Variants in PODN observed in about 807,000 individuals in gnomAD.
The protein encoded by PODN is podocan.
Under a neutral mutation model 52.7 loss-of-function variants are expected in PODN, and 40 were observed. That is an observed-to-expected ratio of 0.76 (90% confidence interval 0.59 to 0.99). The LOEUF (loss-of-function observed/expected upper bound fraction) is 0.99. Among genes scored for constraint, PODN ranks in the 50% least tolerant of loss-of-function variants. The probability of loss-of-function intolerance (pLI) is 0.00; values close to 1 mark genes in which losing one functional copy is unlikely to be tolerated. For synonymous variants in PODN, 396 were observed against 377.9 expected, an observed-to-expected ratio of 1.05 and a Z score of -0.56; for missense variants, 720 against 815.1, an observed-to-expected ratio of 0.88 and a Z score of 1.42.
intron 4 of PODN, 82 bp downstream of exon 4, chr1:53,074,752 G>C: frequency 1.4e-6 from 2 of 1,473,662 alleles, no homozygotes; most frequent in East Asian, 4.6e-5. Context: ...ACTTTCACCA[G>C]GGCCTTTCTG....
At chr1:53,067,194 G>A (rs1024717948) in intron 1 of PODN, among the ~76,000 whole-genome samples, 3 of 152,126 alleles carry the variant, frequency 2.0e-5, no homozygotes, top group African/African-American at 4.8e-5. Flanking sequence ...AGCTGCAGGT[G>A]TGCCGGGCTC....
chr1:53,082,141 G>A lies in PODN; in HGVS notation c.1822G>A (p.Glu608Lys). 6.2e-7 allele frequency: 1 copy of A among 1,611,104 alleles called. No homozygotes were observed. The highest frequency in any genetic ancestry group is 8.5e-7 in the Non-Finnish European group (1 of 1,178,810). Residue 608 changes from glutamate to lysine, a missense_variant, in exon 10 of 11, where the codon GAG (glutamate) becomes AAG (lysine). Transcript: ENST00000312553. ...EKEEEEEEEE[E>K]EEETR Reference sequence around the variant, plus strand: ...GGAGGAGGAGGAAGAGGAGGAGGAGGAGGAAGAGGAAACAAGATAGTGACA... The same window carrying A: ...GGAGGAGGAGGAAGAGGAGGAGGAGAAGGAAGAGGAAACAAGATAGTGACA...
At position 53,077,682 on chromosome 1, in the gene PODN, C is replaced by CA. The variant is rs1435987917; in HGVS notation, c.739-2dup. ...ATCTCCTCCCTTCCCTTCCATCCCC[C>CA]AGAACAACAAGCTGGAGAAGATCCC... On this transcript the variant is annotated splice_region_variant and splice_polypyrimidine_tract_variant and intron_variant, in intron 6 of 10. Transcript: ENST00000312553. 1 of 1,611,884 alleles carries CA rather than the reference C, an allele frequency of 6.2e-7. No individual in the cohort carries two copies. Among genetic ancestry groups the CA allele is most frequent in the Non-Finnish European group, 8.5e-7 (1 of 1,178,998 alleles).
chr1:53,079,055 A>C, intron 8 of PODN, 33 bp downstream of exon 8: 1 of 1,483,756 alleles, frequency 6.7e-7, no homozygotes, highest in Non-Finnish European at 9.0e-7. Context: ...AGCCATGCCC[A>C]TGGAGGGGGG....
intron 3 of PODN, 29 bp downstream of exon 3, chr1:53,071,657 G>A (rs1644120331): frequency 1.3e-6 from 2 of 1,591,908 alleles, no homozygotes; most frequent in Non-Finnish European, 1.7e-6. Flanking sequence ...CCCAGGGTCA[G>A]GGACACCAAG....
At chr1:53,081,675 G>A (rs947436462) in intron 9 of PODN, among the ~76,000 whole-genome samples, 3 of 152,228 alleles carry the variant, frequency 2.0e-5, no homozygotes, top group African/African-American at 4.8e-5. Context: ...TTAATGCCAG[G>A]GATGGCATAG....
At chr1:53,079,419 G>T (rs1644251368) in intron 8 of PODN, among the ~76,000 whole-genome samples, 1 of 152,194 alleles carries the variant, frequency 6.6e-6, no homozygotes, top group African/African-American at 2.4e-5. Context: ...AGGACCGGGG[G>T]CCAGTTCGGG....
At chr1:53,073,939 G>A (rs564870208) in intron 3 of PODN, among the ~76,000 whole-genome samples, 5 of 152,292 alleles carry the variant, frequency 3.3e-5, no homozygotes, top group South Asian at 2.1e-4. Context: ...CTTAGCCGTC[G>A]GCTCAGCCGC....
At chr1:53,080,898 T>A (rs1644286624) in intron 9 of PODN, 22 bp downstream of exon 9, 1 of 1,612,548 alleles carries the variant, frequency 6.2e-7, no homozygotes, top group South Asian at 1.1e-5. Flanking sequence ...CTCGCGGCCC[T>A]GTACACACCC....
intron 3 of PODN, chr1:53,073,626 A>T (rs1644151962): frequency 6.6e-6 from 1 of 152,212 alleles, no homozygotes; most frequent in Non-Finnish European, 1.5e-5. Context: ...TTTCCTGATG[A>T]CGAAAATAAC....
At chr1:53,073,960 T>C (rs1169083757) in intron 3 of PODN, among the ~76,000 whole-genome samples, 1 of 152,258 alleles carries the variant, frequency 6.6e-6, no homozygotes, top group Non-Finnish European at 1.5e-5. Context: ...CTCTCTCGTG[T>C]TGCTAAAGCC....
At chr1:53,080,989 G>A (rs1437628832) in intron 9 of PODN, 113 bp downstream of exon 9, 17 of 1,392,456 alleles carry the variant, frequency 1.2e-5, no homozygotes, top group Admixed American at 1.2e-4. Flanking sequence ...GTGTAACCAC[G>A]GCTCAGATCT....
intron 1 of PODN, among the ~76,000 whole-genome samples, chr1:53,065,360 A>C (rs1204277463): frequency 6.6e-6 from 1 of 152,024 alleles, no homozygotes; most frequent in Non-Finnish European, 1.5e-5. Context: ...TGTCTCAAAA[A>C]AAAAAAAGAA....
In PODN at chr1:53,075,952, G is replaced by T; in HGVS notation, c.562G>T (p.Gly188Cys). 6.3e-7 allele frequency: 1 copy of T among 1,596,238 alleles called. No homozygotes were observed. The highest frequency in any genetic ancestry group is 8.6e-7 in the Non-Finnish European group (1 of 1,169,526). The part of the protein sequence containing the change: ...YLTKIYGLTF[G>C]QKPNLRSVYL... ...CACCAAGATCTATGGGCTCACCTTTGGCCAGAAGCCAAACTTGAGGTCAGA... is the reference window on the plus strand; with the variant it reads ...CACCAAGATCTATGGGCTCACCTTTTGCCAGAAGCCAAACTTGAGGTCAGA... The change falls in exon 5 of 11, where the codon GGC becomes TGC. Residue 188 changes from glycine to cysteine, a missense_variant. Physicochemically the swap from Gly to Cys is radical, Grantham distance 159. Coordinates refer to ENST00000312553, the MANE Select transcript of PODN (RefSeq NM_153703.5).
At chr1:53,077,869 T>A (rs1557655353) in intron 7 of PODN, 69 bp downstream of exon 7, 2 of 1,337,202 alleles carry the variant, frequency 1.5e-6, no homozygotes, top group African/African-American at 2.9e-5. Flanking sequence ...GGGCCAACCA[T>A]CCAGCCCAGC....
rs1194820411 is a variant in PODN, at chr1:53,078,810, T to C, written c.1300T>C (p.Ser434Pro). ...CTTCCGCAAGCTGCGCCTGCTGCGC[T>C]CGCTGGACCTGTCGGGCAACCGGCT... is the stretch of plus-strand genomic sequence containing the variant. ...DAFRKLRLLR[S>P]LDLSGNRLHT... The change falls in exon 8 of 11, where the codon TCG becomes CCG. Residue 434 changes from serine (S) to proline (P), a missense_variant. Ser to Pro is a moderately conservative substitution (Grantham distance 74). Coordinates refer to ENST00000312553, the MANE Select transcript of PODN (RefSeq NM_153703.5). 1.2e-6 allele frequency: 2 copies of C among 1,612,996 alleles called. No individual in the cohort carries two copies. The highest frequency in any genetic ancestry group is 2.2e-5 in the East Asian group (1 of 44,870).
At chr1:53,082,418 ACGGGAGTGAC>A (rs796950159) in intron 10 of PODN, among the ~76,000 whole-genome samples, 12 of 152,318 alleles carry the variant, frequency 7.9e-5, no homozygotes, top group African/African-American at 2.4e-4. Context: ...GGGTGCTGTC[ACGGGAGTGAC>A]CGGGGGGCAC....
At chr1:53,063,621 G>T in intron 1 of PODN, 1 of 971,960 alleles carries the variant, frequency 1.0e-6, no homozygotes, top group Non-Finnish European at 1.2e-6. Context: ...CTGCTCTGGG[G>T]GTTCTGCTCC....
Position 53,080,744 on chromosome 1 carries a change from G to A in PODN, c.1529G>A (p.Gly510Glu), listed in dbSNP as rs767523364. ...LAHLQLLDIA[G>E]NQLTEIPEGL... ...CCCCTGCAGCTGCTGGACATCGCCG[G>A]GAATCAGCTCACAGAGATCCCCGAG... is the stretch of plus-strand genomic sequence containing the variant. The change falls in exon 9 of 11, where the codon GGG becomes GAG. Residue 510 changes from glycine to glutamate, a missense_variant. Physicochemically the swap from Gly to Glu is moderately conservative, Grantham distance 98. Transcript: ENST00000312553. 3 of 1,613,864 alleles carry A rather than the reference G, an allele frequency of 1.9e-6. No individual in the cohort carries two copies. Among genetic ancestry groups the A allele is most frequent in the Non-Finnish European group, 2.5e-6 (3 of 1,179,964 alleles).
Sources: gnomAD v4.1 joint callset for allele counts (sites outside exome capture counted in the v4.1 genomes callset) on GRCh38, gnomAD v4.1.1 for gene constraint, MANE v1.5 for transcripts, NCBI Gene and HGNC (gene_info 2026-07-23, HGNC 2026-07-21) for gene names.